The following MCF2L2 variants were observed in gnomAD, a reference collection of about 807,000 sequenced individuals.
MCF2L2 encodes probable guanine nucleotide exchange factor MCF2L2.
In MCF2L2, 102 loss-of-function variants were observed where a neutral mutation model predicts 150.2. The ratio of observed to expected loss-of-function variants is 0.68; its 90% CI spans 0.58 to 0.80. The LOEUF is 0.80. Among genes scored for constraint, MCF2L2 ranks in the 30% least tolerant of loss-of-function variants. The pLI is 0.00. For missense variants in MCF2L2, 1,256 were observed against 1,372.8 expected, an observed-to-expected ratio of 0.91 and a Z score of 1.34; for synonymous variants, 465 against 491.3, an observed-to-expected ratio of 0.95 and a Z score of 0.71.
intron 3 of MCF2L2, among the ~76,000 whole-genome samples, chr3:183,358,581 T>C (rs1401357178): frequency 6.6e-6 from 1 of 152,036 alleles, no homozygotes; most frequent in Non-Finnish European, 1.5e-5. Flanking sequence ...AACTGAAAAT[T>C]GAAGGGAAGT....
chr3:183,252,399 G>A (rs1724593604), intron 15 of MCF2L2, among the ~76,000 whole-genome samples: 1 of 152,206 alleles, frequency 6.6e-6, no homozygotes, highest in African/African-American at 2.4e-5. Flanking sequence ...GCCATGCCCT[G>A]TGTAGGCAGC....
chr3:183,228,078 G>T, intron 18 of MCF2L2: 1 of 437,116 alleles, frequency 2.3e-6, no homozygotes, highest in Non-Finnish European at 4.2e-6. Context: ...TAACTTGATT[G>T]CAGTAATCAT....
intron 1 of MCF2L2, chr3:183,400,349 A>T (rs1482511056): frequency 2.2e-6 from 1 of 453,252 alleles, no homozygotes; most frequent in Admixed American, 2.4e-5. Context: ...CTTCCACACT[A>T]CCTTTTTTTG....
chr3:183,327,956 CG>C (rs1730118660), intron 5 of MCF2L2, among the ~76,000 whole-genome samples: 1 of 152,098 alleles, frequency 6.6e-6, no homozygotes, highest in Admixed American at 6.5e-5. Flanking sequence ...TACATGAATG[CG>C]GTGACTCAGG....
chr3:183,315,609 C>T (rs1168041655), intron 7 of MCF2L2, among the ~76,000 whole-genome samples: 5 of 152,184 alleles, frequency 3.3e-5, no homozygotes, highest in Non-Finnish European at 4.4e-5. Context: ...GTCTTAGCCT[C>T]CTTTGCTCAG....
intron 1 of MCF2L2, among the ~76,000 whole-genome samples, chr3:183,402,799 A>G (rs907454734): frequency 6.6e-6 from 1 of 152,042 alleles, no homozygotes; most frequent in South Asian, 2.1e-4. Flanking sequence ...AGGCATTGCC[A>G]ATCAATGAAA....
rs569980540 is a variant in MCF2L2 at position 183,383,545 on chromosome 3, T to G, written c.161-4134A>C. Among the ~76,000 whole-genome samples the G allele has an allele frequency of 1.3e-4, 20 of 151,052 alleles. No homozygotes were observed. The East Asian group carries it at 3.9e-3, about 29-fold the overall frequency. On this transcript the variant is annotated intron_variant, in intron 2 of 29. Coordinates refer to ENST00000328913, the MANE Select transcript of MCF2L2 (RefSeq NM_015078.4). ...TAAGCCACCATGCCCGGCCAAGAGGTTTTTTTTTAATCTTAATAAAGTCAC... is the reference window on the plus strand; with the variant it reads ...TAAGCCACCATGCCCGGCCAAGAGGGTTTTTTTTAATCTTAATAAAGTCAC...
chr3:183,215,117 C>A (rs910719989), intron 22 of MCF2L2, among the ~76,000 whole-genome samples: 9 of 152,066 alleles, frequency 5.9e-5, no homozygotes, highest in Non-Finnish European at 1.0e-4. Context: ...TGGAAAATTC[C>A]AGGAGACAGA....
chr3:183,346,581 A>C (rs746507540), intron 3 of MCF2L2, among the ~76,000 whole-genome samples: 8 of 152,188 alleles, frequency 5.3e-5, no homozygotes, highest in Non-Finnish European at 1.0e-4. Context: ...CAAGAGAATG[A>C]AATAAAGGGT....
rs780031628 is a variant in MCF2L2 at position 183,427,908 on chromosome 3, G to T, written c.70C>A (p.His24Asn). ...AAATTAAAGCTTCGTTTACCGACAT[G>T]AGTGATCACTGTGGCCAGTCGCCGG... ...LTRRLATVITHVDEIMQQEVR... is the reference protein window; with the variant it reads ...LTRRLATVITNVDEIMQQEVR... The change falls in exon 1 of 30, where the codon CAT becomes AAT. Residue 24 changes from histidine (H) to asparagine (N), a missense_variant. Coordinates refer to ENST00000328913, the MANE Select transcript of MCF2L2 (RefSeq NM_015078.4). The T allele has an allele frequency of 6.2e-7, 1 of 1,613,866 alleles. No homozygotes were observed. Among genetic ancestry groups the T allele is most frequent in the South Asian group, 1.1e-5 (1 of 91,070 alleles).
intron 15 of MCF2L2, chr3:183,272,976 G>C (rs1366212921): frequency 6.9e-7 from 1 of 1,454,616 alleles, no homozygotes; most frequent in Non-Finnish European, 9.0e-7. Flanking sequence ...TAAATTTCAA[G>C]GAAATATGAA....
Position 183,338,874 on chromosome 3 carries a change from A to T in MCF2L2, c.412T>A (p.Ser138Thr). 6.2e-7 allele frequency: 1 copy of T among 1,608,014 alleles called. No homozygotes were observed. The highest frequency in any genetic ancestry group is 8.5e-7 in the Non-Finnish European group (1 of 1,175,542). ...GTGAATGTCCTCTGGATAAAGCGAG[A>T]TGGACGAAGGATGAATATGAGCTGT... ...NLQLIFILRP[S>T]RFIQRTFTDI... The change falls in exon 5 of 30, where the codon TCT (serine) becomes ACT (threonine). Residue 138 changes from serine (S) to threonine (T), a missense_variant. Coordinates refer to ENST00000328913, the MANE Select transcript of MCF2L2 (RefSeq NM_015078.4).
intron 15 of MCF2L2, among the ~76,000 whole-genome samples, chr3:183,274,384 A>G (rs1255010208): frequency 6.6e-6 from 1 of 152,178 alleles, no homozygotes; most frequent in African/African-American, 2.4e-5. Flanking sequence ...AAATACAGTC[A>G]ATTTTAACCC....
At position 183,181,046 on chromosome 3, in the gene MCF2L2, C is replaced by T. The variant is rs1343730405; in HGVS notation, c.3017-887G>A. On this transcript the variant is annotated intron_variant, in intron 27 of 29. Coordinates refer to ENST00000328913, the MANE Select transcript of MCF2L2 (RefSeq NM_015078.4). This position sits in a 1 kb window ranked among gnomAD's most constrained non-coding sequence, Gnocchi z 4.3. ...AGGGTCAGCTGAGTAGTCTACGCGG[C>T]GGGAGCCGTGCTAGGAAAGTGTCTG... is the stretch of plus-strand genomic sequence containing the variant. Among the ~76,000 whole-genome samples the T allele has an allele frequency of 5.9e-5, 9 of 152,218 alleles. No homozygotes were observed. Among genetic ancestry groups the T allele is most frequent in the Admixed American group, 1.3e-4 (2 of 15,286 alleles).
At chr3:183,394,485 G>C (rs797018514) in intron 1 of MCF2L2, among the ~76,000 whole-genome samples, 1 of 152,190 alleles carries the variant, frequency 6.6e-6, no homozygotes, top group Admixed American at 6.5e-5. Flanking sequence ...ACCAGTTGCC[G>C]GGCTGGTACA....
Position 183,179,270 on chromosome 3 carries a change from C to A in MCF2L2, c.*110G>T. On this transcript the variant is annotated 3_prime_UTR_variant, in exon 30 of 30. Coordinates refer to ENST00000328913, the MANE Select transcript of MCF2L2 (RefSeq NM_015078.4). The surrounding 1 kb of genome is among the most constrained non-coding windows in gnomAD (Gnocchi z 4.2). The stretch of plus-strand genomic sequence containing the variant: ...CTGGTTGTCCCCTTTCTGCCGCCGC[C>A]GAGGCTCCGGCTGCTTTCTGCGTAG... The A allele has an allele frequency of 7.5e-7, 1 of 1,334,490 alleles. No homozygotes were observed. The highest frequency in any genetic ancestry group is 9.6e-7 in the Non-Finnish European group (1 of 1,043,442). 82.7% of individuals were successfully genotyped at this position (1,334,490 alleles called of 1,614,324 possible). A position where few individuals can be genotyped will look rare whatever the true frequency, so the allele number is the denominator to read the frequency against.
At chr3:183,278,568 C>A (rs994966941) in intron 14 of MCF2L2, among the ~76,000 whole-genome samples, 3 of 152,164 alleles carry the variant, frequency 2.0e-5, no homozygotes, top group African/African-American at 7.2e-5. Context: ...TGCCTGAATT[C>A]CCCACTGGAC....
intron 5 of MCF2L2, among the ~76,000 whole-genome samples, chr3:183,329,446 C>G (rs1386645502): frequency 6.6e-6 from 1 of 152,200 alleles, no homozygotes; most frequent in Non-Finnish European, 1.5e-5. Flanking sequence ...CTCAACCTCC[C>G]AAAGTTTTGG....
chr3:183,353,678 G>A (rs9883495), intron 3 of MCF2L2, among the ~76,000 whole-genome samples: 17,444 of 151,842 alleles, frequency 0.11, 1,758 homozygotes, highest in African/African-American at 0.27. Flanking sequence ...GCACCAAAGG[G>A]GAAATCTGCC....
Sources: allele counts gnomAD v4.1 joint callset (sites outside exome capture counted in the v4.1 genomes callset), GRCh38; gene constraint gnomAD v4.1.1; non-coding constraint Gnocchi (gnomAD v3.1); transcripts MANE v1.5; gene names NCBI Gene and HGNC (gene_info 2026-07-23, HGNC 2026-07-21).